Variants in TRIM36 observed in about 807,000 individuals in gnomAD.
TRIM36 encodes E3 ubiquitin-protein ligase TRIM36.
In TRIM36, 42 loss-of-function variants were observed where a neutral mutation model predicts 72.4. The ratio of observed to expected loss-of-function variants is 0.58; its 90% CI spans 0.45 to 0.75. The LOEUF is 0.75. Ranked by LOEUF, TRIM36 falls within the 30% of genes least tolerant of loss-of-function variation. The pLI is 0.00. For synonymous variants in TRIM36, 315 were observed against 282.8 expected (o/e 1.11, Z -1.14); for missense variants, 913 against 857.1 (o/e 1.07, Z -0.81).
In TRIM36 at chr5:115,126,745, G is replaced by C; in HGVS notation, c.1909C>G (p.Pro637Ala). The C allele has an allele frequency of 1.2e-6, 2 of 1,614,116 alleles. No individual in the cohort carries two copies. Among genetic ancestry groups the C allele is most frequent in the Non-Finnish European group, 1.7e-6 (2 of 1,180,018 alleles). Residue 637 changes from proline (P) to alanine (A), a missense_variant, in exon 10 of 10, where the codon CCT becomes GCT. Transcript: ENST00000513154. The part of the protein sequence containing the change: ...GMQKFFIPKS[P>A]TSSNEPENRV... ...TTTTCAGGTTCATTAGAAGAAGTAGGTGACTTGGGTATAAAAAATTTCTGC... is the reference window on the plus strand; with the variant it reads ...TTTTCAGGTTCATTAGAAGAAGTAGCTGACTTGGGTATAAAAAATTTCTGC...
intron 4 of TRIM36, among the ~76,000 whole-genome samples, chr5:115,144,176 T>C (rs1380305047): frequency 2.0e-5 from 3 of 152,132 alleles, no homozygotes; most frequent in African/African-American, 7.2e-5. Flanking sequence ...AGTAATTCAG[T>C]TTTAAATGGT....
intron 2 of TRIM36, chr5:115,153,919 C>T (rs1192642133): frequency 6.6e-6 from 1 of 152,128 alleles, no homozygotes; most frequent in East Asian, 1.9e-4. Context: ...CAAGACAGAC[C>T]ATATGATAGG....
intron 1 of TRIM36, chr5:115,177,722 C>G (rs1433487182): frequency 1.9e-6 from 3 of 1,613,830 alleles, no homozygotes; most frequent in African/African-American, 1.3e-5. Context: ...CCCCCTCCAA[C>G]CCCCACAAAA....
chr5:115,134,080 G>A lies in TRIM36; in HGVS notation c.1278C>T (p.His426=), dbSNP rs1447652114. ...KVYNNALINW[H]HPEKDKADSY... ...TATCAGCTTTATCCTTTTCTGGATG[G>A]TGCCAATTTATCAAGGCATTGTTAT... is the stretch of plus-strand genomic sequence containing the variant. Residue 426 remains histidine, a synonymous_variant, in exon 8 of 10, where the codon CAC becomes CAT. Transcript: ENST00000513154. 1 of 1,612,686 alleles carries A rather than the reference G, an allele frequency of 6.2e-7. No homozygotes were observed. Among genetic ancestry groups the A allele is most frequent in the Admixed American group, 1.7e-5 (1 of 59,766 alleles).
At chr5:115,177,823 G>C (rs149351074) in intron 1 of TRIM36, 5 of 1,614,058 alleles carry the variant, frequency 3.1e-6, no homozygotes, top group African/African-American at 1.3e-5. Flanking sequence ...TCCACCTTTA[G>C]AAGTCAACCG....
At chr5:115,147,447 A>G in intron 2 of TRIM36, 53 bp from the exon 3 acceptor site, 4 of 1,555,974 alleles carry the variant, frequency 2.6e-6, no homozygotes, top group Non-Finnish European at 3.5e-6. Context: ...AATGATTAGA[A>G]TGAAGAAAAG....
chr5:115,127,904 T>C (rs1199809106), intron 9 of TRIM36, among the ~76,000 whole-genome samples: 2 of 152,120 alleles, frequency 1.3e-5, no homozygotes, highest in Non-Finnish European at 1.5e-5. Flanking sequence ...CAGCTCCATG[T>C]ATGTTACTGC....
intron 1 of TRIM36, among the ~76,000 whole-genome samples, chr5:115,167,016 C>T (rs1047835704): frequency 3.9e-5 from 6 of 152,202 alleles, no homozygotes; most frequent in Admixed American, 6.5e-5. Flanking sequence ...CGTTGGCAGC[C>T]GTGGGATCTG....
rs73251513 is a variant in TRIM36 at position 115,142,245 on chromosome 5, C to G, written c.736-871G>C. Among the ~76,000 whole-genome samples, 615 of 152,178 alleles carry G rather than the reference C, an allele frequency of 4.0e-3. 2 individuals are homozygous for G. Among genetic ancestry groups the G allele is most frequent in the African/African-American group, 0.014 (588 of 41,514 alleles). Reference sequence around the variant, plus strand: ...CTCAACAAGAGGGCACTATTAAACACTAAACACTATTCCACAGGCTGAGAG... The same window carrying G: ...CTCAACAAGAGGGCACTATTAAACAGTAAACACTATTCCACAGGCTGAGAG... On this transcript the variant is annotated intron_variant, in intron 4 of 9. Transcript: ENST00000513154.
chr5:115,163,163 G>C (rs529194076), intron 2 of TRIM36, among the ~76,000 whole-genome samples: 1 of 152,122 alleles, frequency 6.6e-6, no homozygotes, highest in East Asian at 1.9e-4. Context: ...CTCCATGTTG[G>C]TCAGGCTGGT....
chr5:115,133,921 G>GTAA lies in TRIM36; in HGVS notation c.1434_1436dup (p.Tyr479dup), dbSNP rs777178301. 95 of 1,613,274 alleles carry GTAA rather than the reference G, an allele frequency of 5.9e-5. 1 individual carries two copies. The highest frequency in any genetic ancestry group is 7.0e-5 in the Non-Finnish European group (83 of 1,179,750). On this transcript the variant is annotated inframe_insertion, in exon 8 of 10. Transcript: ENST00000513154. The stretch of plus-strand genomic sequence containing the variant: ...TGCAAGGACTACAGATTGAACCCTT[G>GTAA]TAAGCTCTTACTCTGAAAGCATAGG...
intron 2 of TRIM36, 79 bp from the exon 3 acceptor site, chr5:115,147,473 G>C: frequency 1.4e-6 from 2 of 1,428,566 alleles, no homozygotes; most frequent in East Asian, 2.3e-5. Context: ...TCATGTCTTA[G>C]AGACATATCT....
chr5:115,138,723 T>A lies in TRIM36; in HGVS notation c.832-1107A>T, dbSNP rs1379427113. Among the ~76,000 whole-genome samples the A allele has an allele frequency of 3.3e-5, 5 of 152,228 alleles. No homozygotes were observed. The East Asian group carries it at 7.7e-4, about 24-fold the overall frequency. On this transcript the variant is annotated intron_variant, in intron 5 of 9. Transcript: ENST00000513154. ...TTAAACATTCTGAATTCCTATAAAA[T>A]CAGAGCTCATGATTTTGAGAAGACT...
At chr5:115,138,287 G>C (rs1753075683) in intron 5 of TRIM36, among the ~76,000 whole-genome samples, 1 of 151,964 alleles carries the variant, frequency 6.6e-6, no homozygotes, top group Non-Finnish European at 1.5e-5. Flanking sequence ...TTTTAGTAGA[G>C]ATGGGGTTTC....
chr5:115,128,954 C>G (rs955789118), intron 9 of TRIM36, among the ~76,000 whole-genome samples: 1 of 151,956 alleles, frequency 6.6e-6, no homozygotes, highest in Non-Finnish European at 1.5e-5. Flanking sequence ...TCCAGTCCTG[C>G]AAGCTCCATT....
intron 2 of TRIM36, chr5:115,148,415 C>CTGTT: frequency 2.0e-6 from 1 of 505,546 alleles, no homozygotes; most frequent in South Asian, 9.9e-5. Flanking sequence ...TAAATCTGTT[C>CTGTT]TTTTTTTTTT....
In TRIM36 at chr5:115,163,721, A is replaced by C; in HGVS notation, c.59T>G (p.Ile20Ser). 1 of 1,614,214 alleles carries C rather than the reference A, an allele frequency of 6.2e-7. No homozygotes were observed. The highest frequency in any genetic ancestry group is 8.5e-7 in the Non-Finnish European group (1 of 1,180,054). Reference sequence around the variant, plus strand: ...AAACAGCTCCTTGCATGCTGGGCAAATGAGCTCCCTTTCGATATTCTTAAT... The same window carrying C: ...AAACAGCTCCTTGCATGCTGGGCAACTGAGCTCCCTTTCGATATTCTTAAT... ...VTIKNIERELICPACKELFTH... is the reference protein window; with the variant it reads ...VTIKNIERELSCPACKELFTH... The change falls in exon 2 of 10, where the codon ATT (isoleucine) becomes AGT (serine). Residue 20 changes from isoleucine to serine, a missense_variant. Coordinates refer to ENST00000513154, the MANE Select transcript of TRIM36 (RefSeq NM_001300759.2).
chr5:115,136,976 G>T, intron 7 of TRIM36, 24 bp downstream of exon 7: 1 of 1,545,956 alleles, frequency 6.5e-7, no homozygotes. Context: ...AAAGAATGAG[G>T]TTTTTGCCTT....
At chr5:115,135,068 A>T (rs1342122123) in intron 7 of TRIM36, among the ~76,000 whole-genome samples, 2 of 152,198 alleles carry the variant, frequency 1.3e-5, no homozygotes, top group Non-Finnish European at 2.9e-5. Flanking sequence ...GGATATATCA[A>T]CATTTAACTG....
Sources: allele counts gnomAD v4.1 joint callset (sites outside exome capture counted in the v4.1 genomes callset), GRCh38; gene constraint gnomAD v4.1.1; transcripts MANE v1.5; gene names NCBI Gene and HGNC (gene_info 2026-07-23, HGNC 2026-07-21).